Variants in SPATA13 observed in about 807,000 individuals in gnomAD.
SPATA13 encodes the protein spermatogenesis associated 13.
In SPATA13, 50 loss-of-function variants were observed where a neutral mutation model predicts 104.0. That is an observed-to-expected ratio of 0.48 (90% CI 0.38 to 0.61). The LOEUF is 0.61. Among genes scored for constraint, SPATA13 ranks in the 20% least tolerant of loss-of-function variants. The pLI is 0.00. For synonymous variants in SPATA13, 606 were observed against 667.5 expected, an observed-to-expected ratio of 0.91 and a Z score of 1.42; for missense variants, 1,524 against 1,690.6, an observed-to-expected ratio of 0.90 and a Z score of 1.73.
chr13:24,220,803 G>A, intron 1 of SPATA13, among the ~76,000 whole-genome samples: 1 of 152,198 alleles, frequency 6.6e-6, no homozygotes, highest in Non-Finnish European at 1.5e-5. Flanking sequence ...ATGGCTGTCT[G>A]TGGGAATCCC....
In SPATA13 at chr13:24,141,919, T is replaced by G. The variant is rs939335803; in HGVS notation, c.-111-80900T>G. ...TTCACTGCTGCCATTTAACTGGGCG[T>G]GCAAATGGAGTCAGGTCTTCATGTT... On this transcript the variant is annotated intron_variant, in intron 3 of 14. Coordinates refer to the SPATA13 transcript ENST00000424834. Among the ~76,000 whole-genome samples, 42 of 152,232 alleles carry G rather than the reference T, an allele frequency of 2.8e-4. 1 individual carries two copies. Among genetic ancestry groups the G allele is most frequent in the African/African-American group, 8.7e-4 (36 of 41,448 alleles).
At chr13:24,104,864 G>T (rs1406978202) in intron 3 of SPATA13, among the ~76,000 whole-genome samples, 1 of 152,186 alleles carries the variant, frequency 6.6e-6, no homozygotes, top group Admixed American at 6.5e-5. Context: ...CACTCCCCCA[G>T]CTCCTCGCCA....
intron 3 of SPATA13, among the ~76,000 whole-genome samples, chr13:24,133,665 C>T (rs1881458975): frequency 6.6e-6 from 1 of 152,118 alleles, no homozygotes. Context: ...CACAGGGAGG[C>T]CCAGCTGAGC....
chr13:24,115,345 G>T (rs1323140432), intron 3 of SPATA13, among the ~76,000 whole-genome samples: 2 of 152,192 alleles, frequency 1.3e-5, no homozygotes, highest in African/African-American at 4.8e-5. Context: ...CCACAGACTG[G>T]CACTGGTCCA....
chr13:24,138,306 A>AG (rs1491432889), intron 3 of SPATA13, among the ~76,000 whole-genome samples: 19 of 49,542 alleles, frequency 3.8e-4, no homozygotes, highest in South Asian at 8.9e-4. Context: ...ACTCCGTCTG[A>AG]AAAAAAAAAA....
rs1256392296 is a variant in SPATA13 at position 24,011,185 on chromosome 13, A to T, written c.-146-6482A>T. On this transcript the variant is annotated intron_variant, in intron 2 of 14. Coordinates refer to the SPATA13 transcript ENST00000424834. This position sits in a 1 kb window ranked among gnomAD's most constrained non-coding sequence, Gnocchi z 4.3. ...AGGCTGCTTCAGCCCAGCGAGACCCATCTTGCCTGGGTGCCACCTCCCAGC... is the reference window on the plus strand; with the variant it reads ...AGGCTGCTTCAGCCCAGCGAGACCCTTCTTGCCTGGGTGCCACCTCCCAGC... 6.6e-6 allele frequency among the ~76,000 whole-genome samples: 1 copy of T among 151,480 alleles called. No homozygotes were observed. Among genetic ancestry groups the T allele is most frequent in the Non-Finnish European group, 1.5e-5 (1 of 67,908 alleles).
intron 1 of SPATA13, among the ~76,000 whole-genome samples, chr13:24,191,535 A>T (rs1341151632): frequency 2.1e-5 from 2 of 97,046 alleles, no homozygotes. Context: ...TTTGAGATGG[A>T]GTCTTGCTCT....
At chr13:24,085,301 A>G (rs1413475172) in intron 3 of SPATA13, among the ~76,000 whole-genome samples, 1 of 152,062 alleles carries the variant, frequency 6.6e-6, no homozygotes, top group Admixed American at 6.5e-5. Context: ...AAATTTTTGT[A>G]TTTTTAGTAG....
chr13:24,223,344 G>A lies in SPATA13; in HGVS notation c.415G>A (p.Ala139Thr). The A allele has an allele frequency of 6.4e-7, 1 of 1,551,334 alleles. No individual in the cohort carries two copies. The highest frequency in any genetic ancestry group is 8.7e-7 in the Non-Finnish European group (1 of 1,147,002). The stretch of plus-strand genomic sequence containing the variant: ...GTCAAATGCCTGTTCAAAGGGAGAG[G>A]CTTCGGAGCATGGCCTGGGAAAGTC... ...EGSNACSKGE[A>T]SEHGLGKSIP... Residue 139 changes from alanine (A) to threonine (T), a missense_variant, in exon 2 of 13, where the codon GCT (alanine) becomes ACT (threonine). Physicochemically the swap from Ala to Thr is moderately conservative, Grantham distance 58 (BLOSUM62 0). This residue lies in a region of SPATA13 where 1,089 missense variants were observed against 1,135.9 expected (regional missense o/e 0.96). Transcript: ENST00000382108.
chr13:23,996,415 ACG>A (rs1875696249), intron 2 of SPATA13, among the ~76,000 whole-genome samples: 1 of 151,794 alleles, frequency 6.6e-6, no homozygotes, highest in Non-Finnish European at 1.5e-5. Context: ...TGGGCAAAAA[ACG>A]ATCTGCAAAT....
At chr13:24,061,655 A>C (rs906881083) in intron 3 of SPATA13, among the ~76,000 whole-genome samples, 24 of 152,182 alleles carry the variant, frequency 1.6e-4, no homozygotes, top group Non-Finnish European at 3.4e-4. Flanking sequence ...ACTTATAAAT[A>C]GGAGCTTAGT....
chr13:24,127,458 A>C (rs572406360), intron 3 of SPATA13, among the ~76,000 whole-genome samples: 102 of 152,246 alleles, frequency 6.7e-4, no homozygotes, highest in African/African-American at 2.4e-3. Context: ...AGGGTAGGGG[A>C]GCCCCCGTAG....
intron 1 of SPATA13, among the ~76,000 whole-genome samples, chr13:24,181,433 A>G (rs1428249452): frequency 6.6e-6 from 1 of 152,216 alleles, no homozygotes; most frequent in Non-Finnish European, 1.5e-5. Flanking sequence ...AGCTGTACAA[A>G]TATAATTTCT....
At chr13:24,038,203 G>A (rs991876748) in intron 3 of SPATA13, among the ~76,000 whole-genome samples, 5 of 152,182 alleles carry the variant, frequency 3.3e-5, no homozygotes, top group Admixed American at 6.5e-5. Context: ...ATGAGCCACC[G>A]CGCCCGGCCA....
At chr13:23,995,563 GT>G (rs1875640929) in intron 2 of SPATA13, among the ~76,000 whole-genome samples, 1 of 152,166 alleles carries the variant, frequency 6.6e-6, no homozygotes, top group South Asian at 2.1e-4. Context: ...ATCGACTGAG[GT>G]TTTCCCTTTG....
intron 1 of SPATA13, among the ~76,000 whole-genome samples, chr13:24,206,809 T>C (rs563284367): frequency 3.3e-5 from 5 of 151,934 alleles, no homozygotes; most frequent in African/African-American, 1.2e-4. Flanking sequence ...GGAGAATCAC[T>C]TGAACCCAGG....
At chr13:23,983,263 C>T (rs747096996) in intron 1 of SPATA13, among the ~76,000 whole-genome samples, 30 of 152,156 alleles carry the variant, frequency 2.0e-4, no homozygotes, top group Admixed American at 5.2e-4. Flanking sequence ...CTCCTTGGCT[C>T]ACAAACAACT....
intron 3 of SPATA13, among the ~76,000 whole-genome samples, chr13:24,139,597 C>T (rs1881684992): frequency 6.6e-6 from 1 of 152,166 alleles, no homozygotes; most frequent in Non-Finnish European, 1.5e-5. Context: ...AAAACATGTA[C>T]ATTGGTTGTT....
rs776128198 is a variant in SPATA13, at chr13:24,297,662, A to C, written c.3510A>C (p.Lys1170Asn). ...TDEVYLFCAK[K>N]QEDKARWLQA... is the part of the protein sequence containing the mutation. ...AGGTTTATTTGTTTTGTGCCAAAAAACAAGAAGACAAGGCGAGGTGGCTGC... is the reference window on the plus strand; with the variant it reads ...AGGTTTATTTGTTTTGTGCCAAAAACCAAGAAGACAAGGCGAGGTGGCTGC... The change falls in exon 11 of 13, where the codon AAA becomes AAC. Residue 1170 changes from lysine (K) to asparagine (N), a missense_variant. Lys to Asn is a moderately conservative substitution (Grantham distance 94, BLOSUM62 0). Coordinates refer to ENST00000382108, the MANE Select transcript of SPATA13 (RefSeq NM_001166271.3). 1.5e-5 allele frequency: 25 copies of C among 1,614,258 alleles called. No homozygotes were observed. The highest frequency in any genetic ancestry group is 2.1e-5 in the Non-Finnish European group (25 of 1,180,054).
Sources: allele counts gnomAD v4.1 joint callset (sites outside exome capture counted in the v4.1 genomes callset), GRCh38; gene constraint gnomAD v4.1.1; regional missense constraint gnomAD v4.1.1; non-coding constraint Gnocchi (gnomAD v3.1); transcripts MANE v1.5; gene names NCBI Gene and HGNC (gene_info 2026-07-23, HGNC 2026-07-21).